Variants in PHF20 observed in about 807,000 individuals in gnomAD.
PHF20 encodes the protein PHD finger protein 20, also known as glioma-expressed antigen 2.
PHF20 carries 23 observed loss-of-function variants against 113.5 expected under a neutral mutation model. The observed-to-expected ratio is 0.20, with a 90% CI of 0.15 to 0.29. The LOEUF is 0.29. PHF20 is among the 10% of genes least tolerant of loss of function. PHF20 has a pLI of 1.00. For missense variants in PHF20, 943 were observed against 1,219.6 expected (o/e 0.77, Z 3.38); for synonymous variants, 434 against 457.3 (o/e 0.95, Z 0.65).
At chr20:35,815,385 C>T (rs2042054439) in intron 2 of PHF20, among the ~76,000 whole-genome samples, 1 of 151,998 alleles carries the variant, frequency 6.6e-6, no homozygotes, top group African/African-American at 2.4e-5. Flanking sequence ...GGAGACCAGC[C>T]TGGCCATTAT....
At chr20:35,922,440 C>T (rs536104080) in intron 13 of PHF20, among the ~76,000 whole-genome samples, 16 of 152,218 alleles carry the variant, frequency 1.1e-4, no homozygotes, top group Non-Finnish European at 1.9e-4. Flanking sequence ...TTGAATAACC[C>T]TAGAATACAT....
chr20:35,791,446 T>G (rs1376136129), intron 1 of PHF20, among the ~76,000 whole-genome samples: 1 of 1,234 alleles, frequency 8.1e-4, no homozygotes, highest in African/African-American at 5.2e-3. Flanking sequence ...GAATAGTATC[T>G]ATCTATCTAT....
chr20:35,876,942 T>C (rs2054534958), intron 9 of PHF20, among the ~76,000 whole-genome samples: 1 of 148,746 alleles, frequency 6.7e-6, no homozygotes, highest in African/African-American at 2.5e-5. Context: ...CCGTCTCTAC[T>C]AAAAATACAA....
At chr20:35,904,800 T>TCCTTCCTTCCTTCCTC (rs1450806881) in intron 10 of PHF20, among the ~76,000 whole-genome samples, 1 of 150,170 alleles carries the variant, frequency 6.7e-6, no homozygotes, top group African/African-American at 2.5e-5. Context: ...CTTCCTTCCT[T>TCCTTCCTTCCTTCCTC]CCTTTCTTTT....
chr20:35,847,259 C>A, intron 3 of PHF20, 91 bp from the exon 4 acceptor site: 1 of 792,312 alleles, frequency 1.3e-6, no homozygotes, highest in Non-Finnish European at 2.0e-6. Flanking sequence ...TCTTATCAAT[C>A]CCAGCTTCTT....
intron 1 of PHF20, among the ~76,000 whole-genome samples, chr20:35,793,865 G>A (rs2041609200): frequency 6.6e-6 from 1 of 151,046 alleles, no homozygotes; most frequent in East Asian, 2.0e-4. Context: ...AGGCATGGTG[G>A]TGCACGCCTG....
At chr20:35,849,009 T>G (rs1186112951) in intron 4 of PHF20, among the ~76,000 whole-genome samples, 3 of 152,170 alleles carry the variant, frequency 2.0e-5, no homozygotes, top group Non-Finnish European at 4.4e-5. Context: ...CCAGTGAAAT[T>G]TAGTTAATTG....
At chr20:35,804,662 G>C (rs1212466524) in intron 2 of PHF20, among the ~76,000 whole-genome samples, 1 of 151,876 alleles carries the variant, frequency 6.6e-6, no homozygotes, top group African/African-American at 2.4e-5. Flanking sequence ...GTGAGCCACC[G>C]CTCCTGGCCC....
At chr20:35,811,041 ACTTTT>A (rs2041968161) in intron 2 of PHF20, among the ~76,000 whole-genome samples, 1 of 151,582 alleles carries the variant, frequency 6.6e-6, no homozygotes, top group Non-Finnish European at 1.5e-5. Flanking sequence ...ATTAGGTTCC[ACTTTT>A]TTTTTATTTT....
intron 1 of PHF20, chr20:35,775,053 A>C (rs1276692368): frequency 6.6e-6 from 1 of 152,238 alleles, no homozygotes; most frequent in African/African-American, 2.4e-5. Flanking sequence ...GTATACTGAA[A>C]GTGAACAGAT....
intron 5 of PHF20, among the ~76,000 whole-genome samples, chr20:35,861,040 G>A (rs1364684415): frequency 6.6e-6 from 1 of 152,112 alleles, no homozygotes; most frequent in African/African-American, 2.4e-5. Context: ...TTAAGCACAG[G>A]CCCAAGGCTC....
At chr20:35,883,690 C>A (rs1329657659) in intron 9 of PHF20, among the ~76,000 whole-genome samples, 1 of 152,214 alleles carries the variant, frequency 6.6e-6, no homozygotes, top group Non-Finnish European at 1.5e-5. Flanking sequence ...GATCCACTTG[C>A]CTCGGCTTCC....
In PHF20 at chr20:35,802,933, G is replaced by A. The variant is rs1179260415; in HGVS notation, c.83+1328G>A. 2.7e-5 allele frequency among the ~76,000 whole-genome samples: 3 copies of A among 112,878 alleles called. No individual in the cohort carries two copies. In the Admixed American group the frequency reaches 2.8e-4, roughly 11 times the overall value. The allele number at this position is 112,878 out of a possible 152,430, so 74.1% of individuals were successfully genotyped here. On this transcript the variant is annotated intron_variant, in intron 2 of 17. Coordinates refer to ENST00000374012, the MANE Select transcript of PHF20 (RefSeq NM_016436.5). ...CAGCCTGGGCAACAGAGTGAGACTC[G>A]GTCTGAAAAAAAAAAAAAAAAAAGA...
intron 2 of PHF20, among the ~76,000 whole-genome samples, chr20:35,807,632 C>T (rs2041908366): frequency 6.6e-6 from 1 of 152,038 alleles, no homozygotes; most frequent in Non-Finnish European, 1.5e-5. Flanking sequence ...GGATAACAGG[C>T]GTGAGCCACT....
At chr20:35,879,003 C>T (rs1296345627) in intron 9 of PHF20, among the ~76,000 whole-genome samples, 1 of 152,152 alleles carries the variant, frequency 6.6e-6, no homozygotes, top group African/African-American at 2.4e-5. Flanking sequence ...GTTGAATGTC[C>T]ACCTTCTTAA....
At chr20:35,820,685 G>A (rs932666453) in intron 2 of PHF20, among the ~76,000 whole-genome samples, 1 of 151,864 alleles carries the variant, frequency 6.6e-6, no homozygotes, top group African/African-American at 2.4e-5. Flanking sequence ...TCCTGACCTC[G>A]TGATCTGCCT....
chr20:35,943,496 TAA>T (rs376783489), intron 17 of PHF20, among the ~76,000 whole-genome samples: 89 of 115,972 alleles, frequency 7.7e-4, no homozygotes, highest in African/African-American at 1.3e-3. Flanking sequence ...CCCATTTCTT[TAA>T]AAAAAAAAAA....
At chr20:35,840,651 C>CCAG (rs747108234) in intron 2 of PHF20, among the ~76,000 whole-genome samples, 19 of 151,680 alleles carry the variant, frequency 1.3e-4, no homozygotes, top group African/African-American at 3.4e-4. Flanking sequence ...TTATTGCAGA[C>CCAG]CAGCAGCAGC....
chr20:35,837,081 G>T (rs1480123178), intron 2 of PHF20, among the ~76,000 whole-genome samples: 2 of 152,066 alleles, frequency 1.3e-5, no homozygotes, highest in Non-Finnish European at 2.9e-5. Context: ...GGAGGCTGAG[G>T]TGGATCACCT....
Sources: allele counts gnomAD v4.1 joint callset (sites outside exome capture counted in the v4.1 genomes callset), GRCh38; gene constraint gnomAD v4.1.1; transcripts MANE v1.5; gene names NCBI Gene and HGNC (gene_info 2026-07-23, HGNC 2026-07-21).